Variants in TRERF1 observed in about 807,000 individuals in gnomAD.
The protein encoded by TRERF1 is transcriptional-regulating factor 1.
TRERF1 carries 27 observed loss-of-function variants against 122.9 expected under a neutral mutation model. The observed-to-expected ratio is 0.22, with a 90% confidence interval of 0.16 to 0.30. The LOEUF is 0.30. Among genes scored for constraint, TRERF1 ranks in the 10% least tolerant of loss-of-function variants. The pLI, the probability that TRERF1 is intolerant of heterozygous loss-of-function variation, is 1.00. For synonymous variants in TRERF1, 636 were observed against 641.7 expected (o/e 0.99, Z 0.13); for missense variants, 1,248 against 1,560.3 (o/e 0.80, Z 3.37).
chr6:42,335,317 G>A (rs887048496), intron 3 of TRERF1, among the ~76,000 whole-genome samples: 1 of 152,174 alleles, frequency 6.6e-6, no homozygotes, highest in African/African-American at 2.4e-5. Context: ...CAAGGCAGGG[G>A]CACAGCAACA....
At chr6:42,335,905 A>G (rs1283206578) in intron 3 of TRERF1, among the ~76,000 whole-genome samples, 2 of 152,062 alleles carry the variant, frequency 1.3e-5, no homozygotes, top group Admixed American at 6.5e-5. Flanking sequence ...CCCTGGCAAG[A>G]CTCTAAGCCA....
intron 2 of TRERF1, among the ~76,000 whole-genome samples, chr6:42,425,566 T>C (rs9381172): frequency 1.1e-5 from 1 of 90,658 alleles, no homozygotes; most frequent in Non-Finnish European, 2.0e-5. Context: ...TTTTTTGAGA[T>C]GGAGTCTCGC....
intron 2 of TRERF1, among the ~76,000 whole-genome samples, chr6:42,449,168 T>G (rs958195154): frequency 6.6e-6 from 1 of 152,240 alleles, no homozygotes; most frequent in African/African-American, 2.4e-5. Context: ...ATGCCTGCTA[T>G]GTGGAAGCCT....
intron 2 of TRERF1, among the ~76,000 whole-genome samples, chr6:42,425,040 G>T (rs260238): frequency 6.6e-6 from 1 of 151,866 alleles, no homozygotes; most frequent in Admixed American, 6.6e-5. Context: ...GCCCGGGCTC[G>T]TGACTCAGGG....
chr6:42,368,376 C>T (rs1053359890), intron 2 of TRERF1, among the ~76,000 whole-genome samples: 1 of 152,082 alleles, frequency 6.6e-6, no homozygotes, highest in Non-Finnish European at 1.5e-5. Flanking sequence ...CAGCACCTCC[C>T]GCAGTGGTTT....
intron 3 of TRERF1, among the ~76,000 whole-genome samples, chr6:42,351,467 A>G (rs1337857464): frequency 6.6e-6 from 1 of 152,252 alleles, no homozygotes. Context: ...TTAAAGACAC[A>G]GGGAAATGTT....
At position 42,380,659 on chromosome 6, in the gene TRERF1, G is replaced by A. The variant is rs186973802; in HGVS notation, c.-453-17580C>T. ...AAGAAGCCCCCAGCAATTCCCCACC[G>A]CCTGCCCCACCTTATAGCAATTTCT... On this transcript the variant is annotated intron_variant, in intron 2 of 17. Coordinates refer to ENST00000372922, the Ensembl canonical transcript of TRERF1. 9.5e-4 allele frequency among the ~76,000 whole-genome samples: 145 copies of A among 152,238 alleles called. 1 individual carries two copies. Among genetic ancestry groups the A allele is most frequent in the Non-Finnish European group, 1.4e-3 (96 of 67,998 alleles).
intron 2 of TRERF1, among the ~76,000 whole-genome samples, chr6:42,383,816 T>A (rs868459409): frequency 8.5e-5 from 13 of 152,070 alleles, no homozygotes; most frequent in South Asian, 4.1e-4. Context: ...ATGGACAGAC[T>A]ATGAATCAAA....
At chr6:42,360,598 G>T (rs1771514375) in intron 3 of TRERF1, among the ~76,000 whole-genome samples, 1 of 151,722 alleles carries the variant, frequency 6.6e-6, no homozygotes, top group Non-Finnish European at 1.5e-5. Context: ...TCTATGGGTG[G>T]TACAGTATGG....
rs770040551 is a variant in TRERF1 at position 42,232,737 on chromosome 6, G to A, written c.3222C>T (p.Ser1074=). The stretch of plus-strand genomic sequence containing the variant: ...TGGGGTCTGTCTCGCCGCTGGTGGT[G>A]CTGTGAGAGGGTGAGCTCTTTACCG... Residue 1074 remains serine, a synonymous_variant, in exon 17 of 18, where the codon AGC becomes AGT. Transcript: ENST00000372922. The surrounding 1 kb of genome is among the most constrained non-coding windows in gnomAD (Gnocchi z 4.5). The A allele has an allele frequency of 7.5e-6, 12 of 1,609,724 alleles. No homozygotes were observed. In the Admixed American group the frequency reaches 8.3e-5, roughly 11 times the overall value.
chr6:42,274,483 T>C (rs987101994), intron 4 of TRERF1, among the ~76,000 whole-genome samples: 3 of 152,104 alleles, frequency 2.0e-5, no homozygotes, highest in African/African-American at 7.2e-5. Context: ...AAGACCAGTC[T>C]GGCCAACATG....
intron 2 of TRERF1, among the ~76,000 whole-genome samples, chr6:42,382,412 G>A (rs1489172930): frequency 2.8e-5 from 4 of 141,266 alleles, no homozygotes; most frequent in African/African-American, 1.1e-4. Context: ...TCTCAAAGAC[G>A]TGATTAAAAA....
intron 15 of TRERF1, among the ~76,000 whole-genome samples, chr6:42,238,910 T>G (rs906400287): frequency 2.0e-5 from 3 of 151,772 alleles, no homozygotes; most frequent in Non-Finnish European, 4.4e-5. Context: ...TTTTTCATTT[T>G]TAAACAAATG....
chr6:42,400,645 G>A (rs1020457503), intron 2 of TRERF1, among the ~76,000 whole-genome samples: 1 of 152,126 alleles, frequency 6.6e-6, no homozygotes. Flanking sequence ...AGAAGCAAGG[G>A]GGCTCCACTC....
At chr6:42,382,698 T>C (rs888609035) in intron 2 of TRERF1, among the ~76,000 whole-genome samples, 1 of 150,600 alleles carries the variant, frequency 6.6e-6, no homozygotes, top group Non-Finnish European at 1.5e-5. Flanking sequence ...TTCGTGCAGC[T>C]TTTTTTTTCA....
intron 3 of TRERF1, among the ~76,000 whole-genome samples, chr6:42,357,413 G>C (rs186366909): frequency 1.3e-5 from 2 of 151,908 alleles, no homozygotes; most frequent in South Asian, 4.2e-4. Context: ...CACAGATGAG[G>C]CTACTAGAAG....
At chr6:42,294,115 G>A (rs1347691677) in intron 4 of TRERF1, among the ~76,000 whole-genome samples, 1 of 148,516 alleles carries the variant, frequency 6.7e-6, no homozygotes, top group Admixed American at 6.6e-5. Flanking sequence ...TTTTGGAAAA[G>A]AGAAGAGAGT....
At chr6:42,373,989 T>C (rs1479386041) in intron 2 of TRERF1, among the ~76,000 whole-genome samples, 2 of 143,666 alleles carry the variant, frequency 1.4e-5, no homozygotes, top group Admixed American at 1.4e-4. Context: ...AAAAATTAGC[T>C]GGGCGTGGTG....
intron 2 of TRERF1, among the ~76,000 whole-genome samples, chr6:42,445,900 C>A (rs1274444246): frequency 6.6e-6 from 1 of 151,858 alleles, no homozygotes; most frequent in African/African-American, 2.4e-5. Context: ...TCCAAACTTT[C>A]TTTTGTTTGT....
Sources: allele counts gnomAD v4.1 joint callset (sites outside exome capture counted in the v4.1 genomes callset), GRCh38; gene constraint gnomAD v4.1.1; non-coding constraint Gnocchi (gnomAD v3.1); transcripts MANE v1.5; gene names NCBI Gene and HGNC (gene_info 2026-07-23, HGNC 2026-07-21).